Variants in PCM1 observed in about 807,000 individuals in gnomAD.
The protein encoded by PCM1 is pericentriolar material 1.
In PCM1, 157 loss-of-function variants were observed where a neutral mutation model predicts 241.9. That is an observed-to-expected ratio of 0.65 (90% CI 0.57 to 0.74). The LOEUF is 0.74. Ranked by LOEUF, PCM1 falls within the 30% of genes least tolerant of loss-of-function variation. The pLI, the probability that PCM1 is intolerant of heterozygous loss-of-function variation, is 0.00. For synonymous variants in PCM1, 1,085 were observed against 784.9 expected (o/e 1.38, Z -6.39); for missense variants, 3,478 against 2,360.1 (o/e 1.47, Z -9.81).
intron 6 of PCM1, 83 bp downstream of exon 6, chr8:17,939,944 A>C (rs542316230): frequency 8.8e-5 from 97 of 1,099,044 alleles, no homozygotes; most frequent in Non-Finnish European, 1.2e-4. Flanking sequence ...ATGCCACCCC[A>C]GAGGAGTTAA....
intron 29 of PCM1, among the ~76,000 whole-genome samples, chr8:18,000,116 T>C (rs1262239370): frequency 6.6e-6 from 1 of 152,158 alleles, no homozygotes; most frequent in African/African-American, 2.4e-5. Context: ...TGAGGGAACA[T>C]TTAAGTAGAG....
chr8:17,932,385 A>G (rs1029610612), intron 2 of PCM1, among the ~76,000 whole-genome samples: 1 of 152,136 alleles, frequency 6.6e-6, no homozygotes, highest in Admixed American at 6.5e-5. Flanking sequence ...ATACTGGTTT[A>G]TATTCTCAAT....
At chr8:17,930,724 A>T (rs191141763) in intron 2 of PCM1, among the ~76,000 whole-genome samples, 8 of 151,854 alleles carry the variant, frequency 5.3e-5, no homozygotes, top group Non-Finnish European at 1.2e-4. Context: ...TAAAGATACA[A>T]CAAAAATTAG....
At position 17,985,980 on chromosome 8, in the gene PCM1, T is replaced by G; in HGVS notation, c.4303T>G (p.Ser1435Ala). The G allele has an allele frequency of 6.4e-7, 1 of 1,572,662 alleles. No homozygotes were observed. The highest frequency in any genetic ancestry group is 2.3e-5 in the East Asian group (1 of 44,410). ...TTAGGACATAGTATCCAGACATATT[T>G]CTGAGAGCCATGAAAAAGGAGAAAA... The part of the protein sequence containing the change: ...ALQDIVSRHI[S>A]ESHEKGENVK... Residue 1435 changes from serine (S) to alanine (A), a missense_variant, in exon 26 of 39, where the codon TCT (serine) becomes GCT (alanine). Ser to Ala is a moderately conservative substitution (Grantham distance 99, BLOSUM62 1). Transcript: ENST00000325083.
At chr8:17,933,771 G>T (rs117054569) in intron 2 of PCM1, among the ~76,000 whole-genome samples, 2,650 of 151,868 alleles carry the variant, frequency 0.017, 39 homozygotes, top group South Asian at 0.043. Flanking sequence ...CTTTTCAGTG[G>T]TAATATTTCT....
rs138014338 is a variant in PCM1, at chr8:17,994,514, T to A, written c.4827+895T>A. Among the ~76,000 whole-genome samples the A allele has an allele frequency of 5.3e-4, 80 of 152,340 alleles. 1 individual carries two copies. The highest frequency in any genetic ancestry group is 8.5e-4 in the Admixed American group (13 of 15,300). Reference sequence around the variant, plus strand: ...AAACATGAGTGTGCAGATAGCCCTTTAATACACTGATGTCTTTTCTTTTCT... The same window carrying A: ...AAACATGAGTGTGCAGATAGCCCTTAAATACACTGATGTCTTTTCTTTTCT... On this transcript the variant is annotated intron_variant, in intron 29 of 38. Coordinates refer to ENST00000325083, the MANE Select transcript of PCM1 (RefSeq NM_006197.4).
At chr8:17,954,878 G>C (rs1305004037) in intron 9 of PCM1, among the ~76,000 whole-genome samples, 2 of 152,222 alleles carry the variant, frequency 1.3e-5, no homozygotes, top group Admixed American at 1.3e-4. Context: ...TTTTATTGCT[G>C]TTTAATATTT....
chr8:17,928,470 G>T (rs1455399250), intron 2 of PCM1, among the ~76,000 whole-genome samples: 1 of 151,622 alleles, frequency 6.6e-6, no homozygotes, highest in Non-Finnish European at 1.5e-5. Context: ...ATCCTTTCTT[G>T]GTTTTTTTCA....
rs778275626 is a variant in PCM1 at position 17,962,044 on chromosome 8, C to T, written c.2333C>T (p.Ala778Val). 13 of 1,609,204 alleles carry T rather than the reference C, an allele frequency of 8.1e-6. No individual in the cohort carries two copies. Among genetic ancestry groups the T allele is most frequent in the South Asian group, 1.1e-5 (1 of 90,096 alleles). ...TGAATTCCTTTTTAGCTGTCAGCTG[C>T]TAGTGTGGGTAACTGTCCCACCAAA... ...TACPDLQLSA[A>V]SVGNCPTKKY... The change falls in exon 16 of 39, where the codon GCT (alanine) becomes GTT (valine). Residue 778 changes from alanine to valine, a missense_variant. Ala to Val is a moderately conservative substitution (Grantham distance 64). Transcript: ENST00000325083.
intron 35 of PCM1, among the ~76,000 whole-genome samples, 186 bp from the exon 36 acceptor site, chr8:18,014,398 T>G (rs2092916504): frequency 6.7e-6 from 1 of 148,310 alleles, no homozygotes; most frequent in South Asian, 2.1e-4. Flanking sequence ...AGTCTTAAAA[T>G]GCTCCCAGGT....
chr8:17,936,089 T>G (rs1585836620), intron 3 of PCM1, among the ~76,000 whole-genome samples: 1 of 152,236 alleles, frequency 6.6e-6, no homozygotes, highest in East Asian at 1.9e-4. Context: ...TTCTCTCCTC[T>G]GGTCCATGTG....
chr8:18,002,893 A>G (rs1235007146), intron 29 of PCM1, among the ~76,000 whole-genome samples: 1 of 151,776 alleles, frequency 6.6e-6, no homozygotes, highest in Non-Finnish European at 1.5e-5. Context: ...GTGTCTGTTC[A>G]TGTCCTTCGC....
chr8:17,995,652 G>T (rs753965321), intron 29 of PCM1, among the ~76,000 whole-genome samples: 6 of 149,730 alleles, frequency 4.0e-5, no homozygotes, highest in African/African-American at 1.0e-4. Flanking sequence ...AGATTGCTTC[G>T]GGGAGTACAG....
intron 29 of PCM1, among the ~76,000 whole-genome samples, chr8:17,994,428 C>A (rs773734573): frequency 5.7e-4 from 86 of 152,160 alleles, no homozygotes; most frequent in Non-Finnish European, 6.3e-4. Flanking sequence ...TTTATCTGTT[C>A]ATCTGTTGAT....
chr8:18,025,610 A>G lies in PCM1; in HGVS notation c.6001A>G (p.Met2001Val), dbSNP rs1182842037. ...CCATTTATCTGGTGAAATATGTGAAATGCAGACCGAAGAATTAGCTGGAAA... is the reference window on the plus strand; with the variant it reads ...CCATTTATCTGGTGAAATATGTGAAGTGCAGACCGAAGAATTAGCTGGAAA... ...KNHLSGEICE[M>V]QTEELAGNSE... The change falls in exon 38 of 39, where the codon ATG (methionine) becomes GTG (valine). Residue 2001 changes from methionine (M) to valine (V), a missense_variant. Met to Val is a conservative substitution (Grantham distance 21). Transcript: ENST00000325083. The G allele has an allele frequency of 6.3e-7, 1 of 1,581,192 alleles. No individual in the cohort carries two copies. The highest frequency in any genetic ancestry group is 8.6e-7 in the Non-Finnish European group (1 of 1,162,548).
chr8:17,981,505 A>C (rs1414030824), intron 24 of PCM1, among the ~76,000 whole-genome samples: 1 of 152,110 alleles, frequency 6.6e-6, no homozygotes, highest in African/African-American at 2.4e-5. Flanking sequence ...GTAGTTTCCT[A>C]ATTTGTAAAG....
rs969641501 is a variant in PCM1 at position 18,028,129 on chromosome 8, A to G, written c.*467A>G. 3.0e-5 allele frequency: 6 copies of G among 199,986 alleles called. No homozygotes were observed. The highest frequency in any genetic ancestry group is 1.4e-4 in the African/African-American group (6 of 43,552). 12.4% of individuals were successfully genotyped at this position (199,986 alleles called of 1,614,324 possible). ...TTAGGCCAGTCTTCCAACTAATGCC[A>G]GTGTTGCTGCTGTTGGGTCTGATGT... On this transcript the variant is annotated 3_prime_UTR_variant, in exon 39 of 39. Transcript: ENST00000325083.
chr8:17,997,647 AGTTGC>A, intron 29 of PCM1, among the ~76,000 whole-genome samples: 1 of 152,088 alleles, frequency 6.6e-6, no homozygotes, highest in East Asian at 1.9e-4. Flanking sequence ...TTAGTATGTC[AGTTGC>A]GTTTTTCAAC....
chr8:17,969,535 C>G lies in PCM1; in HGVS notation c.3413-42C>G, dbSNP rs149293354. On this transcript the variant is annotated intron_variant, in intron 21 of 38. Transcript: ENST00000325083. The stretch of plus-strand genomic sequence containing the variant: ...TTTAATTTCATTTTAAAGCTAAAGA[C>G]ATTTATTTATTTTTCTCTTACCCAT... The G allele has an allele frequency of 2.7e-4, 363 of 1,342,800 alleles. No individual in the cohort carries two copies. The African/African-American group carries it at 3.9e-3, about 15-fold the overall frequency. 83.2% of individuals were successfully genotyped at this position (1,342,800 alleles called of 1,614,324 possible).
Sources: gnomAD v4.1 joint callset for allele counts (sites outside exome capture counted in the v4.1 genomes callset) on GRCh38, gnomAD v4.1.1 for gene constraint, MANE v1.5 for transcripts, NCBI Gene and HGNC (gene_info 2026-07-23, HGNC 2026-07-21) for gene names.